The following MCM4 variants were observed in gnomAD, a reference collection of about 807,000 sequenced individuals.
MCM4 encodes DNA replication licensing factor MCM4.
MCM4 carries 60 observed loss-of-function variants against 88.7 expected under a neutral mutation model. The observed-to-expected ratio is 0.68, with a 90% confidence interval of 0.55 to 0.84. The LOEUF is 0.84. Ranked by LOEUF, MCM4 falls within the 40% of genes least tolerant of loss-of-function variation. MCM4 has a pLI of 0.00. For synonymous variants in MCM4, 465 were observed against 410.5 expected (o/e 1.13, Z -1.61); for missense variants, 1,149 against 1,105.5 (o/e 1.04, Z -0.56).
intron 13 of MCM4, among the ~76,000 whole-genome samples, chr8:47,972,366 A>G (rs2090961340): frequency 6.6e-6 from 1 of 151,946 alleles, no homozygotes; most frequent in South Asian, 2.1e-4. Context: ...TAGGGACAGC[A>G]CAGGGTGAGT....
chr8:47,969,874 T>C lies in MCM4; in HGVS notation c.1251T>C (p.Asp417=), dbSNP rs770560113. The C allele has an allele frequency of 2.5e-6, 4 of 1,614,262 alleles. No homozygotes were observed. The highest frequency in any genetic ancestry group is 2.5e-6 in the Non-Finnish European group (3 of 1,180,038). Residue 417 remains aspartate, a synonymous_variant, in exon 11 of 17, where the codon GAT becomes GAC. Transcript: ENST00000649973. ...AGTCTGTCTACAAAACCCACATTGATGTCATTCATTATCGGAAAACGGATG... is the reference window on the plus strand; with the variant it reads ...AGTCTGTCTACAAAACCCACATTGACGTCATTCATTATCGGAAAACGGATG... The part of the protein sequence containing the change: ...NVKSVYKTHI[D]VIHYRKTDAK...
chr8:47,967,605 C>A, intron 10 of MCM4, 120 bp downstream of exon 10: 1 of 1,298,536 alleles, frequency 7.7e-7, no homozygotes, highest in Non-Finnish European at 1.1e-6. Context: ...CACTGCTTGT[C>A]TTTGAGACTG....
chr8:47,975,411 G>A (rs1478151567), intron 15 of MCM4: 1 of 168,590 alleles, frequency 5.9e-6, no homozygotes, highest in African/African-American at 2.6e-5. Flanking sequence ...TTCCAGTTTT[G>A]TGTATAGTTT....
Position 47,962,299 on chromosome 8 carries a change from G to T in MCM4, c.400-6G>T, listed in dbSNP as rs753326480. ...TTTCATGATTCTGTCATGTTTTTCT[G>T]TGTAGGCAGCAGCAGAAGATATAGT... On this transcript the variant is annotated splice_polypyrimidine_tract_variant and splice_region_variant and intron_variant, in intron 4 of 16. Transcript: ENST00000649973. 3.7e-6 allele frequency: 6 copies of T among 1,614,164 alleles called. No homozygotes were observed. In the South Asian group the frequency reaches 6.6e-5, roughly 18 times the overall value.
At chr8:47,968,350 A>G (rs902104610) in intron 10 of MCM4, among the ~76,000 whole-genome samples, 1 of 152,220 alleles carries the variant, frequency 6.6e-6, no homozygotes, top group Non-Finnish European at 1.5e-5. Flanking sequence ...CTTCCGTCGT[A>G]AAAGTACTTG....
In MCM4 at chr8:47,962,812, G is replaced by T; in HGVS notation, c.550G>T (p.Val184Phe). Residue 184 changes from valine to phenylalanine, a missense_variant, in exon 6 of 17, where the codon GTT (valine) becomes TTT (phenylalanine). Around this residue, in one of 3 missense-constraint regions of MCM4, gnomAD observed 906 missense variants for 843.0 expected, o/e 1.07. Coordinates refer to ENST00000649973, the MANE Select transcript of MCM4 (RefSeq NM_182746.3). ...IDPLAKEEEN[V>F]GIDITEPLYM... ...CCCTCTGGCTAAAGAAGAAGAAAAT[G>T]TTGGCATAGATATTACTGAACCTCT... 1 of 1,609,546 alleles carries T rather than the reference G, an allele frequency of 6.2e-7. No individual in the cohort carries two copies. Among genetic ancestry groups the T allele is most frequent in the South Asian group, 1.1e-5 (1 of 89,444 alleles).
rs1307736306 is a variant in MCM4, at chr8:47,976,714, C to G, written c.2528C>G (p.Ala843Gly). Reference sequence around the variant, plus strand: ...ATTACTAAAGATATGTTTGAAGAAGCACTGCGTGCCCTGGCAGATGATGAT... The same window carrying G: ...ATTACTAAAGATATGTTTGAAGAAGGACTGCGTGCCCTGGCAGATGATGAT... The part of the protein sequence containing the change: ...IAITKDMFEE[A>G]LRALADDDFL... Residue 843 changes from alanine (A) to glycine (G), a missense_variant, in exon 17 of 17, where the codon GCA becomes GGA. Physicochemically the swap from Ala to Gly is moderately conservative, Grantham distance 60. Coordinates refer to ENST00000649973, the MANE Select transcript of MCM4 (RefSeq NM_182746.3). 3 of 1,613,334 alleles carry G rather than the reference C, an allele frequency of 1.9e-6. No homozygotes were observed. Among genetic ancestry groups the G allele is most frequent in the Middle Eastern group, 3.3e-4 (2 of 6,060 alleles).
In MCM4 at chr8:47,966,493, A is replaced by C. The variant is rs1049596154; in HGVS notation, c.1053+86A>C. On this transcript the variant is annotated intron_variant, in intron 9 of 16. Coordinates refer to ENST00000649973, the MANE Select transcript of MCM4 (RefSeq NM_182746.3). ...ACTATAACTTGTCCCTCGGACCCTG[A>C]GCCTCACTTCCCGAATGGCATCCAT... The C allele has an allele frequency of 1.4e-5, 18 of 1,316,742 alleles. No homozygotes were observed. In the South Asian group the frequency reaches 2.3e-4, roughly 17 times the overall value. 81.6% of individuals were successfully genotyped at this position (1,316,742 alleles called of 1,614,324 possible).
chr8:47,961,288 C>T (rs2090827029), intron 2 of MCM4, 74 bp downstream of exon 2: 46 of 1,429,224 alleles, frequency 3.2e-5, no homozygotes, highest in Non-Finnish European at 4.1e-5. Context: ...GCTGGCAGCG[C>T]TGGGTGGGTG....
chr8:47,965,229 A>G (rs1467357115), intron 8 of MCM4, among the ~76,000 whole-genome samples: 2 of 151,942 alleles, frequency 1.3e-5, no homozygotes, highest in Admixed American at 6.6e-5. Flanking sequence ...AAAAAAAAAA[A>G]TTAGATTTTA....
At chr8:47,965,214 CAAA>C (rs113918401) in intron 8 of MCM4, among the ~76,000 whole-genome samples, 2 of 125,476 alleles carry the variant, frequency 1.6e-5, no homozygotes, top group African/African-American at 2.9e-5. Context: ...GACCCTGTCT[CAAA>C]AAAAAAAAAA....
intron 15 of MCM4, chr8:47,975,511 C>T: frequency 2.6e-6 from 1 of 384,088 alleles, no homozygotes; most frequent in Non-Finnish European, 4.6e-6. Flanking sequence ...CTGCTTGCTG[C>T]ACAGATGTGT....
rs374664211 is a variant in MCM4 at position 47,976,824 on chromosome 8, C to T, written c.*46C>T. The T allele has an allele frequency of 6.0e-5, 73 of 1,223,934 alleles. No homozygotes were observed. Among genetic ancestry groups the T allele is most frequent in the Non-Finnish European group, 7.7e-5 (64 of 826,242 alleles). The allele number at this position is 1,223,934 out of a possible 1,614,324, so 75.8% of individuals were successfully genotyped here. A position where few individuals can be genotyped will look rare whatever the true frequency, so the allele number is the denominator to read the frequency against. ...CTCCCTGCATGTCCTGCTTGCTGCA[C>T]GCCACATGGGTGTGGTCTGCATCTC... On this transcript the variant is annotated 3_prime_UTR_variant, in exon 17 of 17. Coordinates refer to ENST00000649973, the MANE Select transcript of MCM4 (RefSeq NM_182746.3).
chr8:47,976,626 C>G, intron 16 of MCM4, 60 bp from the exon 17 acceptor site: 1 of 1,216,224 alleles, frequency 8.2e-7, no homozygotes, highest in Non-Finnish European at 1.2e-6. Flanking sequence ...TATTGTGTTT[C>G]TAACAGGTAA....
At chr8:47,965,345 A>G (rs576723931) in intron 8 of MCM4, among the ~76,000 whole-genome samples, 44 of 152,296 alleles carry the variant, frequency 2.9e-4, no homozygotes, top group African/African-American at 1.1e-3. Flanking sequence ...TGGCTCACAC[A>G]TGTAATCCTA....
At chr8:47,970,196 CTTGCCA>C (rs1262997224) in intron 11 of MCM4, 139 bp downstream of exon 11, 14 of 992,294 alleles carry the variant, frequency 1.4e-5, no homozygotes, top group Non-Finnish European at 2.1e-5. Flanking sequence ...GGCAACCTGA[CTTGCCA>C]TTGGTTGAGA....
At chr8:47,971,613 G>A (rs1192286571) in intron 13 of MCM4, 145 bp downstream of exon 13, 20 of 807,172 alleles carry the variant, frequency 2.5e-5, no homozygotes, top group East Asian at 5.4e-5. Context: ...GAGTTTTCAC[G>A]ACAAGGATGA....
Position 47,974,870 on chromosome 8 carries a change from T to G in MCM4, c.2273T>G (p.Val758Gly). 1 of 1,614,264 alleles carries G rather than the reference T, an allele frequency of 6.2e-7. No homozygotes were observed. Among genetic ancestry groups the G allele is most frequent in the Non-Finnish European group, 8.5e-7 (1 of 1,180,042 alleles). Residue 758 changes from valine (V) to glycine (G), a missense_variant, in exon 15 of 17, where the codon GTG (valine) becomes GGG (glycine). Physicochemically the swap from Val to Gly is moderately radical, Grantham distance 109 (BLOSUM62 -3). Coordinates refer to ENST00000649973, the MANE Select transcript of MCM4 (RefSeq NM_182746.3). ...RLSNKVEAID[V>G]EEAKRLHREA... ...TCTAACAAAGTTGAAGCCATTGATG[T>G]GGAAGAGGCCAAACGCCTCCATCGG...
At chr8:47,961,246 C>T in intron 2 of MCM4, 32 bp downstream of exon 2, 2 of 1,459,376 alleles carry the variant, frequency 1.4e-6, no homozygotes, top group Non-Finnish European at 1.8e-6. Flanking sequence ...CACTACAGCC[C>T]CCGGCGCCGC....
Sources: allele counts gnomAD v4.1 joint callset (sites outside exome capture counted in the v4.1 genomes callset), GRCh38; gene constraint gnomAD v4.1.1; regional missense constraint gnomAD v4.1.1; transcripts MANE v1.5; gene names NCBI Gene and HGNC (gene_info 2026-07-23, HGNC 2026-07-21).